Variants in ANKRD44 observed in about 807,000 individuals in gnomAD.
The protein encoded by ANKRD44 is serine/threonine-protein phosphatase 6 regulatory ankyrin repeat subunit B.
ANKRD44 carries 35 observed loss-of-function variants against 116.0 expected under a neutral mutation model. The observed-to-expected ratio is 0.30, with a 90% confidence interval of 0.23 to 0.40. The LOEUF (loss-of-function observed/expected upper bound fraction) is 0.40, where lower values mean the gene tolerates loss of function less well. ANKRD44 is among the 10% of genes least tolerant of loss of function. The pLI, the probability that ANKRD44 is intolerant of heterozygous loss-of-function variation, is 1.00. For synonymous variants in ANKRD44, 435 were observed against 461.8 expected, an observed-to-expected ratio of 0.94 and a Z score of 0.74; for missense variants, 1,014 against 1,242.6, an observed-to-expected ratio of 0.82 and a Z score of 2.77.
chr2:197,115,396 T>A (rs894629426), intron 8 of ANKRD44, among the ~76,000 whole-genome samples: 13 of 152,232 alleles, frequency 8.5e-5, no homozygotes, highest in Non-Finnish European at 1.5e-5. Flanking sequence ...AAATTATAAG[T>A]AAACCATCAA....
At chr2:197,226,324 C>T (rs1037662977) in intron 1 of ANKRD44, among the ~76,000 whole-genome samples, 3 of 152,328 alleles carry the variant, frequency 2.0e-5, no homozygotes. Context: ...CAATTAATCA[C>T]CAATTACATT....
chr2:197,252,705 C>A (rs1339188927), intron 1 of ANKRD44, among the ~76,000 whole-genome samples: 1 of 152,090 alleles, frequency 6.6e-6, no homozygotes, highest in African/African-American at 2.4e-5. Context: ...TTAAATATTC[C>A]CCCAAGTGTT....
At chr2:197,101,131 A>T (rs943412539) in intron 9 of ANKRD44, among the ~76,000 whole-genome samples, 1 of 152,152 alleles carries the variant, frequency 6.6e-6, no homozygotes, top group Non-Finnish European at 1.5e-5. Context: ...GCTTTATAAT[A>T]GTTATCTTGT....
chr2:197,001,826 T>C lies in ANKRD44; in HGVS notation c.2362A>G (p.Ile788Val). 2 of 1,612,646 alleles carry C rather than the reference T, an allele frequency of 1.2e-6. No individual in the cohort carries two copies. The highest frequency in any genetic ancestry group is 2.2e-5 in the South Asian group (2 of 91,008). ...CATTTTTGCTCCAAAAGTACCTCTA[T>C]ACAGTTTTCATTACCTGCAAGAAAT... ...WACYNGNENC[I>V]EVLLEQKCFR... The change falls in exon 22 of 28, where the codon ATA becomes GTA. Residue 788 changes from isoleucine (I) to valine (V), a missense_variant. Ile to Val is a conservative substitution (Grantham distance 29). Coordinates refer to ENST00000282272, the MANE Select transcript of ANKRD44 (RefSeq NM_001195144.2).
chr2:197,284,503 A>AAC (rs10547024), intron 1 of ANKRD44, among the ~76,000 whole-genome samples: 12,067 of 137,744 alleles, frequency 0.088, 530 homozygotes, highest in South Asian at 0.13. Flanking sequence ...CAGAGAGTCA[A>AAC]ACACACACAC....
chr2:197,262,164 A>G (rs921034283), intron 1 of ANKRD44, among the ~76,000 whole-genome samples: 3 of 152,218 alleles, frequency 2.0e-5, no homozygotes, highest in Non-Finnish European at 1.5e-5. Context: ...CTGGGCAGAG[A>G]GCAATAAACA....
At chr2:197,006,925 C>T (rs772228976) in intron 20 of ANKRD44, among the ~76,000 whole-genome samples, 30 of 152,030 alleles carry the variant, frequency 2.0e-4, no homozygotes, top group Non-Finnish European at 3.7e-4. Context: ...GGCAACATGG[C>T]AAAACCCCAT....
intron 18 of ANKRD44, among the ~76,000 whole-genome samples, chr2:197,012,255 A>G (rs1334598920): frequency 2.0e-5 from 3 of 152,140 alleles, no homozygotes; most frequent in Admixed American, 6.5e-5. Context: ...CTGGACCACA[A>G]CCCATATCAC....
intron 1 of ANKRD44, among the ~76,000 whole-genome samples, chr2:197,270,655 A>G (rs1195899257): frequency 6.6e-6 from 1 of 152,230 alleles, no homozygotes; most frequent in Non-Finnish European, 1.5e-5. Context: ...TGTCTGAGCC[A>G]TTTCCCAAGG....
At chr2:197,293,154 C>T (rs1013449988) in intron 1 of ANKRD44, among the ~76,000 whole-genome samples, 1 of 151,784 alleles carries the variant, frequency 6.6e-6, no homozygotes, top group Non-Finnish European at 1.5e-5. Flanking sequence ...GGTAAAGATC[C>T]CAAGAGGAGA....
chr2:196,989,611 C>T lies in ANKRD44; in HGVS notation c.2962G>A (p.Ala988Thr), dbSNP rs745351850. 140 of 1,549,870 alleles carry T rather than the reference C, an allele frequency of 9.0e-5. No homozygotes were observed. The highest frequency in any genetic ancestry group is 2.3e-4 in the South Asian group (19 of 84,052). The change falls in exon 28 of 28, where the codon GCT becomes ACT. Residue 988 changes from alanine to threonine, a missense_variant. Ala to Thr is a moderately conservative substitution (Grantham distance 58). Transcript: ENST00000282272. ...GAGTCTCATTCTTCTTTTTGTACAG[C>T]GGTTCCAGGTGTGGAACGGGGTCCA... ...SNGPRSTPGTAVQKEE is the reference protein window; with the variant it reads ...SNGPRSTPGTTVQKEE
chr2:197,197,889 A>ATC (rs1491342286), intron 1 of ANKRD44: 2 of 152,140 alleles, frequency 1.3e-5, no homozygotes, highest in Non-Finnish European at 2.9e-5. Flanking sequence ...CTGGAATGTC[A>ATC]GAGTCAGTCT....
chr2:197,196,633 G>A (rs1221835383), intron 1 of ANKRD44, among the ~76,000 whole-genome samples: 1 of 152,180 alleles, frequency 6.6e-6, no homozygotes, highest in Non-Finnish European at 1.5e-5. Flanking sequence ...CATTTGAGGA[G>A]GCTGGAACTA....
intron 1 of ANKRD44, among the ~76,000 whole-genome samples, chr2:197,217,871 A>C (rs902942147): frequency 6.6e-6 from 1 of 152,222 alleles, no homozygotes; most frequent in African/African-American, 2.4e-5. Context: ...CAACTCTCAC[A>C]GAGTTTCCAA....
At chr2:197,049,148 G>T (rs1054915576) in intron 16 of ANKRD44, among the ~76,000 whole-genome samples, 12 of 152,042 alleles carry the variant, frequency 7.9e-5, no homozygotes, top group Non-Finnish European at 1.6e-4. Context: ...CACTCTGATG[G>T]TAGTTTCTTT....
At chr2:197,226,195 A>G (rs2697237) in intron 1 of ANKRD44, among the ~76,000 whole-genome samples, 34,914 of 152,184 alleles carry the variant, frequency 0.23, 4,165 homozygotes, top group Middle Eastern at 0.28. Flanking sequence ...ATTTTAAAAT[A>G]GAATGTTAGA....
rs1220533294 is a variant in ANKRD44 at position 197,020,118 on chromosome 2, A to G, written c.1722+5078T>C. 2.0e-5 allele frequency among the ~76,000 whole-genome samples: 3 copies of G among 152,128 alleles called. No homozygotes were observed. In the East Asian group the frequency reaches 5.8e-4, roughly 29 times the overall value. ...GGCGTGAGCCACCACATCCGGCCAC[A>G]CAAGTGATTTTAAGCCAACTCAGGA... On this transcript the variant is annotated intron_variant, in intron 17 of 27. Transcript: ENST00000282272.
At chr2:197,163,414 C>T (rs983854577) in intron 2 of ANKRD44, among the ~76,000 whole-genome samples, 1 of 152,182 alleles carries the variant, frequency 6.6e-6, no homozygotes, top group Non-Finnish European at 1.5e-5. Context: ...TCCTGGGAGG[C>T]CAAGTGGCTT....
At chr2:197,290,933 G>A (rs1400659041) in intron 1 of ANKRD44, among the ~76,000 whole-genome samples, 1 of 151,910 alleles carries the variant, frequency 6.6e-6, no homozygotes, top group East Asian at 1.9e-4. Context: ...TTTGTGCCAG[G>A]CACAGCAGCT....
Sources: allele counts gnomAD v4.1 joint callset (sites outside exome capture counted in the v4.1 genomes callset), GRCh38; gene constraint gnomAD v4.1.1; transcripts MANE v1.5; gene names NCBI Gene and HGNC (gene_info 2026-07-23, HGNC 2026-07-21).